The following FSTL5 variants were observed in gnomAD, a reference collection of about 807,000 sequenced individuals.
The protein encoded by FSTL5 is follistatin-related protein 5.
A neutral mutation model predicts 89.1 loss-of-function variants in FSTL5; 62 were observed. That is an observed-to-expected ratio of 0.70 (90% confidence interval 0.57 to 0.86). FSTL5 has a LOEUF of 0.86. FSTL5 is among the 40% of genes least tolerant of loss of function. The pLI, the probability that FSTL5 is intolerant of heterozygous loss-of-function variation, is 0.00. For synonymous variants in FSTL5, 383 were observed against 346.2 expected (o/e 1.11, Z -1.18); for missense variants, 1,057 against 1,001.6 (o/e 1.06, Z -0.75).
chr4:161,678,932 A>G (rs1737418516), intron 6 of FSTL5, among the ~76,000 whole-genome samples: 1 of 151,750 alleles, frequency 6.6e-6, no homozygotes, highest in Admixed American at 6.6e-5. Context: ...TCAAATGGCG[A>G]TATCATTAAA....
chr4:162,148,441 T>C (rs1733086635), intron 1 of FSTL5, among the ~76,000 whole-genome samples: 1 of 152,194 alleles, frequency 6.6e-6, no homozygotes, highest in African/African-American at 2.4e-5. Flanking sequence ...ATCTAATATA[T>C]TTATGATTCC....
intron 15 of FSTL5, among the ~76,000 whole-genome samples, chr4:161,399,729 T>G (rs1731123278): frequency 6.6e-6 from 1 of 152,106 alleles, no homozygotes; most frequent in Non-Finnish European, 1.5e-5. Flanking sequence ...ATACAAAATT[T>G]AATAGAGAGA....
At chr4:161,919,644 T>C (rs920251269) in intron 4 of FSTL5, among the ~76,000 whole-genome samples, 2 of 152,084 alleles carry the variant, frequency 1.3e-5, no homozygotes, top group African/African-American at 4.8e-5. Flanking sequence ...TTGATGGAAG[T>C]TCTACACATT....
chr4:161,542,406 T>C, intron 9 of FSTL5, 126 bp downstream of exon 9: 1 of 497,268 alleles, frequency 2.0e-6, no homozygotes, highest in South Asian at 8.5e-5. Context: ...AGCATTTTTT[T>C]TCATATTTGT....
intron 3 of FSTL5, among the ~76,000 whole-genome samples, chr4:161,950,194 T>C (rs948360178): frequency 1.3e-5 from 2 of 152,146 alleles, no homozygotes; most frequent in African/African-American, 4.8e-5. Flanking sequence ...CCTGGGATCT[T>C]AGTACTAAGG....
At chr4:161,579,205 G>A (rs1051994395) in intron 8 of FSTL5, among the ~76,000 whole-genome samples, 1 of 152,112 alleles carries the variant, frequency 6.6e-6, no homozygotes, top group Non-Finnish European at 1.5e-5. Context: ...CAGAGATCAA[G>A]GCATGCTGTT....
At chr4:161,975,195 C>T (rs530611352) in intron 3 of FSTL5, among the ~76,000 whole-genome samples, 6,287 of 130,600 alleles carry the variant, frequency 0.048, 186 homozygotes, top group Middle Eastern at 0.097. Context: ...GTCAGTGTGG[C>T]GATTCCTCAG....
intron 4 of FSTL5, among the ~76,000 whole-genome samples, chr4:161,801,193 T>C (rs1466205061): frequency 6.6e-6 from 1 of 151,610 alleles, no homozygotes; most frequent in African/African-American, 2.4e-5. Context: ...CATGCATTTA[T>C]TGTAAGGGGG....
At chr4:161,705,504 T>G (rs1219234034) in intron 6 of FSTL5, among the ~76,000 whole-genome samples, 1 of 152,066 alleles carries the variant, frequency 6.6e-6, no homozygotes, top group Admixed American at 6.6e-5. Context: ...CAGTTCAAAT[T>G]GGAAGGGAGA....
At chr4:161,475,759 C>T (rs977312761) in intron 13 of FSTL5, among the ~76,000 whole-genome samples, 1 of 150,082 alleles carries the variant, frequency 6.7e-6, no homozygotes, top group African/African-American at 2.4e-5. Context: ...TTCTGTTTTC[C>T]TTTTTTTTGA....
chr4:161,693,860 G>A (rs540197173), intron 6 of FSTL5, among the ~76,000 whole-genome samples: 4 of 151,746 alleles, frequency 2.6e-5, no homozygotes, highest in African/African-American at 7.2e-5. Flanking sequence ...GGATGGTCTC[G>A]ATCTCCTGAC....
At chr4:161,416,946 C>G (rs181128519) in intron 15 of FSTL5, among the ~76,000 whole-genome samples, 1 of 151,944 alleles carries the variant, frequency 6.6e-6, no homozygotes, top group Admixed American at 6.6e-5. Context: ...AAAAGAAGCT[C>G]ATCTCTACCT....
intron 4 of FSTL5, among the ~76,000 whole-genome samples, chr4:161,913,931 G>T (rs1306381366): frequency 2.0e-5 from 3 of 152,138 alleles, no homozygotes; most frequent in African/African-American, 7.2e-5. Context: ...TTTCAGATGA[G>T]ACTTTGGACT....
At chr4:161,502,280 G>A (rs1730319636) in intron 11 of FSTL5, among the ~76,000 whole-genome samples, 1 of 151,804 alleles carries the variant, frequency 6.6e-6, no homozygotes, top group Non-Finnish European at 1.5e-5. Context: ...TGGAATTTGT[G>A]AGCTATATTT....
chr4:161,962,641 G>C (rs1212504956), intron 3 of FSTL5, among the ~76,000 whole-genome samples: 1 of 151,494 alleles, frequency 6.6e-6, no homozygotes, highest in Non-Finnish European at 1.5e-5. Flanking sequence ...ACTATCTTTA[G>C]TGTTGATCTG....
At chr4:161,959,912 C>A (rs1342804126) in intron 3 of FSTL5, among the ~76,000 whole-genome samples, 1 of 152,018 alleles carries the variant, frequency 6.6e-6, no homozygotes, top group Non-Finnish European at 1.5e-5. Context: ...CACAAAAGAC[C>A]AATTCTGGCT....
chr4:161,423,448 A>G (rs929021665), intron 15 of FSTL5, among the ~76,000 whole-genome samples: 3 of 152,086 alleles, frequency 2.0e-5, no homozygotes, highest in Non-Finnish European at 4.4e-5. Context: ...TGAATTTTAG[A>G]TTTTTTAAAA....
chr4:161,672,719 C>A (rs555948911), intron 6 of FSTL5, among the ~76,000 whole-genome samples: 189 of 141,464 alleles, frequency 1.3e-3, no homozygotes, highest in African/African-American at 4.8e-3. Context: ...AAAAAAAAAA[C>A]CCAAAAATCT....
chr4:161,752,279 T>C (rs1006206194), intron 6 of FSTL5, among the ~76,000 whole-genome samples: 1 of 145,840 alleles, frequency 6.9e-6, no homozygotes, highest in East Asian at 2.1e-4. Context: ...ATAGATGGAA[T>C]GTTTCCAGCA....
Sources: gnomAD v4.1 joint callset for allele counts (sites outside exome capture counted in the v4.1 genomes callset) on GRCh38, gnomAD v4.1.1 for gene constraint, MANE v1.5 for transcripts, NCBI Gene and HGNC (gene_info 2026-07-23, HGNC 2026-07-21) for gene names.